Variants in DAPK1 observed in about 807,000 individuals in gnomAD.
DAPK1 encodes death-associated protein kinase 1.
DAPK1 carries 56 observed loss-of-function variants against 144.9 expected under a neutral mutation model. The observed-to-expected ratio is 0.39, with a 90% CI of 0.31 to 0.48. The LOEUF is 0.48. Among genes scored for constraint, DAPK1 ranks in the 20% least tolerant of loss-of-function variants. The probability of loss-of-function intolerance (pLI) is 0.95; values close to 1 mark genes in which losing one functional copy is unlikely to be tolerated. For missense variants in DAPK1, 1,454 were observed against 1,875.4 expected (o/e 0.78, Z 4.15); for synonymous variants, 690 against 749.0 (o/e 0.92, Z 1.29).
chr9:87,577,584 G>A (rs1191667990), intron 2 of DAPK1, among the ~76,000 whole-genome samples: 2 of 152,158 alleles, frequency 1.3e-5, no homozygotes, highest in East Asian at 1.9e-4. Context: ...GATCACTTGA[G>A]GTCAGGAGTT....
At chr9:87,682,661 A>G (rs1415000326) in intron 20 of DAPK1, among the ~76,000 whole-genome samples, 2 of 152,256 alleles carry the variant, frequency 1.3e-5, no homozygotes, top group Non-Finnish European at 2.9e-5. Context: ...AAACAGAGTT[A>G]TAATTCATAT....
In DAPK1 at chr9:87,499,146, G is replaced by A; in HGVS notation, c.62+7G>A. The A allele has an allele frequency of 1.2e-6, 2 of 1,612,278 alleles. No homozygotes were observed. Among genetic ancestry groups the A allele is most frequent in the Non-Finnish European group, 1.7e-6 (2 of 1,178,356 alleles). On this transcript the variant is annotated splice_region_variant and intron_variant, in intron 2 of 25. Coordinates refer to ENST00000408954, the MANE Select transcript of DAPK1 (RefSeq NM_004938.4). ...CCGGCGAGGAACTTGGCAGGTAAAG[G>A]GGGTACCAGAAGCGTACCCTCCTGG...
At position 87,706,318 on chromosome 9, in the gene DAPK1, C is replaced by G. The variant is rs780265409; in HGVS notation, c.3247C>G (p.Gln1083Glu). 1 of 1,608,974 alleles carries G rather than the reference C, an allele frequency of 6.2e-7. No homozygotes were observed. The highest frequency in any genetic ancestry group is 1.1e-5 in the South Asian group (1 of 90,446). The change falls in exon 26 of 26, where the codon CAG becomes GAG. Residue 1083 changes from glutamine to glutamate, a missense_variant. Around this residue, in one of 2 missense-constraint regions of DAPK1, gnomAD observed 1,025 missense variants for 1,237.9 expected, o/e 0.83. Transcript: ENST00000408954. This position sits in a 1 kb window ranked among gnomAD's most constrained non-coding sequence, Gnocchi z 9.0. ...CGACAGCGACGTGGAGGAGCTGCTG[C>G]AGATCCTCGATGCCATGGACATCTG... ...VPDSDVEELL[Q>E]ILDAMDICAR... is the part of the protein sequence containing the mutation.
At chr9:87,625,250 T>G (rs1008811296) in intron 3 of DAPK1, among the ~76,000 whole-genome samples, 10 of 152,170 alleles carry the variant, frequency 6.6e-5, no homozygotes, top group Admixed American at 5.9e-4. Context: ...AACTAAGAGT[T>G]GTCCATCAGC....
chr9:87,560,667 CTTTTTT>C (rs35938750), intron 2 of DAPK1, among the ~76,000 whole-genome samples: 1 of 133,312 alleles, frequency 7.5e-6, no homozygotes, highest in Non-Finnish European at 1.6e-5. Flanking sequence ...TCAGAACGTA[CTTTTTT>C]TTTTTTTTTT....
chr9:87,704,687 G>T (rs1825573646), intron 25 of DAPK1, among the ~76,000 whole-genome samples: 1 of 152,216 alleles, frequency 6.6e-6, no homozygotes, highest in Non-Finnish European at 1.5e-5. Flanking sequence ...TGGTATTCCA[G>T]CAAATGCTGT....
At chr9:87,540,586 T>G (rs915071984) in intron 2 of DAPK1, among the ~76,000 whole-genome samples, 98 of 152,214 alleles carry the variant, frequency 6.4e-4, no homozygotes, top group Non-Finnish European at 1.2e-3. Flanking sequence ...TGTTCAGTAC[T>G]TTCCATGGTT....
intron 2 of DAPK1, among the ~76,000 whole-genome samples, chr9:87,547,501 T>A (rs1826293018): frequency 6.6e-6 from 1 of 152,198 alleles, no homozygotes; most frequent in South Asian, 2.1e-4. Flanking sequence ...TTAGTTAATT[T>A]AAGACTAATT....
intron 2 of DAPK1, among the ~76,000 whole-genome samples, chr9:87,592,730 G>T (rs1828182570): frequency 6.6e-6 from 1 of 152,120 alleles, no homozygotes; most frequent in Non-Finnish European, 1.5e-5. Context: ...CTTCCAGGGA[G>T]TTCTGCTTCC....
intron 3 of DAPK1, chr9:87,632,831 G>T (rs1829746740): frequency 1.0e-6 from 1 of 974,562 alleles, no homozygotes; most frequent in African/African-American, 1.8e-5. Flanking sequence ...TACATATGTA[G>T]GTATGAAGGA....
intron 2 of DAPK1, among the ~76,000 whole-genome samples, chr9:87,571,503 A>ACACACACACACACACACC (rs1827354746): frequency 7.2e-6 from 1 of 138,502 alleles, no homozygotes; most frequent in Non-Finnish European, 1.6e-5. Context: ...ACCCCAACAC[A>ACACACACACACACACACC]CACACACACA....
At chr9:87,694,351 T>C (rs1187895245) in intron 21 of DAPK1, among the ~76,000 whole-genome samples, 2 of 152,154 alleles carry the variant, frequency 1.3e-5, no homozygotes, top group East Asian at 1.9e-4. Context: ...TGGACTGGGC[T>C]AGGTGATCCC....
Position 87,571,498 on chromosome 9 carries a change from A to ACACACACAC in DAPK1, c.63-33456_63-33455insCACACACAC, listed in dbSNP as rs1554684284. Among the ~76,000 whole-genome samples the ACACACACAC allele has an allele frequency of 4.0e-3, 184 of 46,488 alleles. 26 individuals are homozygous for ACACACACAC. The highest frequency in any genetic ancestry group is 0.011 in the African/African-American group (111 of 10,434). 30.5% of individuals were successfully genotyped at this position (46,488 alleles called of 152,430 possible). Reference sequence around the variant, plus strand: ...ACCAACACACACACACACACACCCCAACACACACACACACACACACACACA... The same window carrying ACACACACAC: ...ACCAACACACACACACACACACCCCACACACACACACACACACACACACACACACACACA... On this transcript the variant is annotated intron_variant, in intron 2 of 25. Transcript: ENST00000408954.
intron 11 of DAPK1, among the ~76,000 whole-genome samples, chr9:87,645,607 G>A (rs927687813): frequency 6.6e-6 from 1 of 152,110 alleles, no homozygotes; most frequent in African/African-American, 2.4e-5. Flanking sequence ...AAACACAAAG[G>A]GTTACTTATC....
intron 2 of DAPK1, among the ~76,000 whole-genome samples, chr9:87,587,741 T>A (rs755279525): frequency 1.2e-4 from 18 of 152,258 alleles, no homozygotes; most frequent in Non-Finnish European, 1.8e-4. Context: ...GAGGTGTCCC[T>A]AAGCCAGCAG....
chr9:87,627,005 TTA>T (rs1254617124), intron 3 of DAPK1, among the ~76,000 whole-genome samples: 1 of 152,004 alleles, frequency 6.6e-6, no homozygotes, highest in Non-Finnish European at 1.5e-5. Context: ...AGCTTCAGTT[TTA>T]TAGCTGGATG....
intron 2 of DAPK1, among the ~76,000 whole-genome samples, chr9:87,551,044 C>G (rs1256194211): frequency 6.6e-6 from 1 of 152,184 alleles, no homozygotes; most frequent in African/African-American, 2.4e-5. Flanking sequence ...GGCCAGCAGC[C>G]GGGATGGCTC....
intron 2 of DAPK1, among the ~76,000 whole-genome samples, chr9:87,521,840 G>A (rs1825308569): frequency 6.6e-6 from 1 of 152,182 alleles, no homozygotes; most frequent in Non-Finnish European, 1.5e-5. Flanking sequence ...GCTTTTAAGA[G>A]GTGATTGGGA....
chr9:87,666,485 T>C (rs1277357578), intron 18 of DAPK1, among the ~76,000 whole-genome samples: 1 of 150,994 alleles, frequency 6.6e-6, no homozygotes, highest in Non-Finnish European at 1.5e-5. Flanking sequence ...TTGTTTTTTT[T>C]TTTTTTGAGA....
Sources: gnomAD v4.1 joint callset for allele counts (sites outside exome capture counted in the v4.1 genomes callset) on GRCh38, gnomAD v4.1.1 for gene constraint, gnomAD v4.1.1 regional missense constraint, Gnocchi (gnomAD v3.1) non-coding constraint, MANE v1.5 for transcripts, NCBI Gene and HGNC (gene_info 2026-07-23, HGNC 2026-07-21) for gene names.